NLRP1: variants seen among roughly 807,000 people sequenced by gnomAD.
NLRP1 encodes the protein NACHT, LRR and PYD domains-containing protein 1.
In NLRP1, 94 loss-of-function variants were observed where a neutral mutation model predicts 136.7. That is an observed-to-expected ratio of 0.69 (90% CI 0.58 to 0.82). The LOEUF is 0.82. Among genes scored for constraint, NLRP1 ranks in the 40% least tolerant of loss-of-function variants. NLRP1 has a pLI of 0.00. For synonymous variants in NLRP1, 690 were observed against 725.1 expected (o/e 0.95, Z 0.78); for missense variants, 1,575 against 1,802.7 (o/e 0.87, Z 2.29).
chr17:5,583,935 C>A lies in NLRP1; in HGVS notation c.23G>T (p.Arg8Leu). MAGGAWGRLACYLEFLKK... is the reference protein window; with the variant it reads MAGGAWGLLACYLEFLKK... Reference sequence around the variant, plus strand: ...CAGGAACTCCAAGTAACAGGCCAGGCGGCCCCAGGCTCCGCCAGCCATCTC... The same window carrying A: ...CAGGAACTCCAAGTAACAGGCCAGGAGGCCCCAGGCTCCGCCAGCCATCTC... Residue 8 changes from arginine to leucine, a missense_variant, in exon 1 of 17, where the codon CGC becomes CTC. Physicochemically the swap from Arg to Leu is moderately radical, Grantham distance 102. Coordinates refer to ENST00000572272, the MANE Select transcript of NLRP1 (RefSeq NM_033004.4). This position sits in a 1 kb window ranked among gnomAD's most constrained non-coding sequence, Gnocchi z 4.5. 1 of 1,609,318 alleles carries A rather than the reference C, an allele frequency of 6.2e-7. No individual in the cohort carries two copies. The highest frequency in any genetic ancestry group is 8.5e-7 in the Non-Finnish European group (1 of 1,177,764).
rs1470403650 is a variant in NLRP1 at position 5,582,058 on chromosome 17, G to A, written c.453C>T (p.Ile151=). Residue 151 remains isoleucine (I), a synonymous_variant, in exon 3 of 17, where the codon ATC becomes ATT. Coordinates refer to ENST00000572272, the MANE Select transcript of NLRP1 (RefSeq NM_033004.4). The part of the protein sequence containing the change: ...PDTSGRRWRE[I]SASLLYQALP... ...GAGCTTGGTAGAGGAGTGAGGCAGA[G>A]ATTTCTGGGGGGAATGAAAAGAAAA... The A allele has an allele frequency of 6.2e-7, 1 of 1,611,046 alleles. No individual in the cohort carries two copies. The highest frequency in any genetic ancestry group is 8.5e-7 in the Non-Finnish European group (1 of 1,178,078).
rs146805040 is a variant in NLRP1 at position 5,574,200 on chromosome 17, G to C, written c.652+7659C>G. 2.1e-3 allele frequency among the ~76,000 whole-genome samples: 322 copies of C among 152,214 alleles called. 3 individuals are homozygous for C. Among genetic ancestry groups the C allele is most frequent in the African/African-American group, 7.4e-3 (309 of 41,520 alleles). The stretch of plus-strand genomic sequence containing the variant: ...GCCAATTCGATCAACTGGAAGAAAG[G>C]GTATCAGTGATTGAAGACCAAATGA... On this transcript the variant is annotated intron_variant, in intron 3 of 16. Transcript: ENST00000572272.
intron 5 of NLRP1, among the ~76,000 whole-genome samples, chr17:5,545,352 A>C (rs1441071098): frequency 1.4e-5 from 2 of 144,192 alleles, no homozygotes; most frequent in Non-Finnish European, 3.0e-5. Flanking sequence ...ACACACACAC[A>C]CACACAGACA....
intron 12 of NLRP1, among the ~76,000 whole-genome samples, chr17:5,526,902 C>T (rs1363767232): frequency 6.6e-6 from 1 of 152,210 alleles, no homozygotes; most frequent in African/African-American, 2.4e-5. Flanking sequence ...AGAAAACTCA[C>T]CATGGAAAGT....
At chr17:5,510,903 AG>A (rs1907591846), downstream of NLRP1, among the ~76,000 whole-genome samples, 2 of 152,112 alleles carry the variant, frequency 1.3e-5, no homozygotes, top group Admixed American at 1.3e-4. Context: ...CAACAGCCTC[AG>A]GCTCAAAGAA....
intron 5 of NLRP1, among the ~76,000 whole-genome samples, chr17:5,545,846 C>T (rs893366314): frequency 9.2e-5 from 14 of 152,248 alleles, no homozygotes; most frequent in African/African-American, 3.4e-4. Flanking sequence ...TATCTGATTT[C>T]CTGCTTGTTG....
chr17:5,514,326 A>G lies in NLRP1; in HGVS notation c.*428T>C, dbSNP rs75327791. On this transcript the variant is annotated 3_prime_UTR_variant, in exon 17 of 17. Transcript: ENST00000572272. ...TTACTCTGTTGGCTTGCTCTTGTAG[A>G]TCTTCCTGTACAAAGCCAAGAATCC... The G allele has an allele frequency of 2.3e-3, 1,907 of 826,108 alleles. 33 individuals carry two copies. The African/African-American group carries it at 0.031, about 13-fold the overall frequency. 51.2% of individuals were successfully genotyped at this position (826,108 alleles called of 1,614,324 possible). A position where few individuals can be genotyped will look rare whatever the true frequency, so the allele number is the denominator to read the frequency against.
chr17:5,555,951 G>A (rs1228557670), intron 4 of NLRP1, among the ~76,000 whole-genome samples: 2 of 151,864 alleles, frequency 1.3e-5, no homozygotes, highest in Non-Finnish European at 2.9e-5. Flanking sequence ...AAAATTAGCT[G>A]GGTGTGGTGG....
intron 5 of NLRP1, among the ~76,000 whole-genome samples, chr17:5,551,753 T>C (rs1345804308): frequency 2.0e-5 from 3 of 152,170 alleles, no homozygotes; most frequent in Non-Finnish European, 4.4e-5. Flanking sequence ...TTTTCTTTTT[T>C]TCATTAATTA....
intron 7 of NLRP1, among the ~76,000 whole-genome samples, chr17:5,538,630 C>T (rs1234214227): frequency 6.6e-6 from 1 of 152,168 alleles, no homozygotes; most frequent in Non-Finnish European, 1.5e-5. Context: ...CTCTTCCCCA[C>T]TAGAGTAGAA....
At chr17:5,530,117 G>A (rs941382792) in intron 12 of NLRP1, 6 of 461,330 alleles carry the variant, frequency 1.3e-5, no homozygotes, top group Admixed American at 2.4e-5. Flanking sequence ...AACATTCTTC[G>A]TTAGTTCACT....
Position 5,504,513 on chromosome 17 carries a change from G to C in NLRP1, c.4070-2641C>G, listed in dbSNP as rs181106256. On this transcript the variant is annotated intron_variant, in intron 15 of 15. Coordinates refer to the NLRP1 transcript ENST00000262467. This position sits in a 1 kb window ranked among gnomAD's most constrained non-coding sequence, Gnocchi z 4.4. ...CACATGCCTGTAATCCCAGCTACTT[G>C]GGAGGCTGAGGCACGAGAATCGCTT... The C allele has an allele frequency of 3.7e-3, 571 of 152,770 alleles. 3 individuals carry two copies. The highest frequency in any genetic ancestry group is 0.013 in the African/African-American group (537 of 41,548). The allele number at this position is 152,770 out of a possible 1,614,324, so 9.5% of individuals were successfully genotyped here. A position where few individuals can be genotyped will look rare whatever the true frequency, so the allele number is the denominator to read the frequency against.
chr17:5,533,775 C>T, intron 9 of NLRP1, 122 bp downstream of exon 9: 1 of 718,378 alleles, frequency 1.4e-6, no homozygotes, highest in Non-Finnish European at 2.4e-6. Flanking sequence ...GGGTAGCACC[C>T]TCTTGGGTAG....
Position 5,582,043 on chromosome 17 carries a change from G to A in NLRP1, c.468C>T (p.Leu156=). The A allele has an allele frequency of 6.2e-7, 1 of 1,613,618 alleles. No individual in the cohort carries two copies. Among genetic ancestry groups the A allele is most frequent in the Non-Finnish European group, 8.5e-7 (1 of 1,179,684 alleles). The change falls in exon 3 of 17, where the codon CTC becomes CTT. Residue 156 remains leucine, a synonymous_variant. Transcript: ENST00000572272. ...CTGGGGAGCTTGGAAGAGCTTGGTA[G>A]AGGAGTGAGGCAGAGATTTCTGGGG... is the stretch of plus-strand genomic sequence containing the variant. ...RRWREISASL[L]YQALPSSPDH...
intron 11 of NLRP1, 40 bp downstream of exon 11, chr17:5,532,782 C>CG (rs752351673): frequency 1.3e-6 from 2 of 1,538,070 alleles, no homozygotes; most frequent in South Asian, 2.5e-5. Flanking sequence ...CAGTGGGGTG[C>CG]GGGAGGCCAG....
chr17:5,550,372 T>C (rs1181313970), intron 5 of NLRP1, among the ~76,000 whole-genome samples: 1 of 152,254 alleles, frequency 6.6e-6, no homozygotes. Flanking sequence ...TCAATATCTC[T>C]ATTTGTTATA....
At position 5,531,624 on chromosome 17, in the gene NLRP1, C is replaced by T. The variant is rs148796226; in HGVS notation, c.3297-920G>A. On this transcript the variant is annotated intron_variant, in intron 11 of 16. Transcript: ENST00000572272. ...CCTCAGGTGGGTTAATAGTGGGTCC[C>T]GGGATGCCCCAGCTTCTGTAGGTGT... 3.2e-3 allele frequency among the ~76,000 whole-genome samples: 486 copies of T among 152,188 alleles called. 9 individuals carry two copies. The highest frequency in any genetic ancestry group is 6.8e-3 in the Middle Eastern group (2 of 294).
rs151279200 is a variant in NLRP1 at position 5,537,687 on chromosome 17, G to A, written c.2871-747C>T. Among the ~76,000 whole-genome samples, 740 of 152,266 alleles carry A rather than the reference G, an allele frequency of 4.9e-3. 9 individuals are homozygous for A. Among genetic ancestry groups the A allele is most frequent in the African/African-American group, 0.017 (702 of 41,538 alleles). On this transcript the variant is annotated intron_variant, in intron 7 of 16. Transcript: ENST00000572272. This position sits in a 1 kb window ranked among gnomAD's most constrained non-coding sequence, Gnocchi z 4.5. ...AGCTGTTCTGCCCCTGGGGAGGAGC[G>A]CAGACCTTGAAGTAGAAGGTTATTC...
chr17:5,531,144 G>GTCTA (rs59760618), intron 11 of NLRP1, among the ~76,000 whole-genome samples: 65 of 136,394 alleles, frequency 4.8e-4, no homozygotes, highest in East Asian at 9.7e-4. Context: ...TGTCTTGTCT[G>GTCTA]TCTATCTATC....
Sources: gnomAD v4.1 joint callset for allele counts (sites outside exome capture counted in the v4.1 genomes callset) on GRCh38, gnomAD v4.1.1 for gene constraint, Gnocchi (gnomAD v3.1) non-coding constraint, MANE v1.5 for transcripts, NCBI Gene and HGNC (gene_info 2026-07-23, HGNC 2026-07-21) for gene names.